Variants in CSMD3 observed in about 807,000 individuals in gnomAD.
The protein encoded by CSMD3 is CUB and sushi domain-containing protein 3.
Under a neutral mutation model 435.2 loss-of-function variants are expected in CSMD3, and 177 were observed. The ratio of observed to expected loss-of-function variants is 0.41; its 90% confidence interval spans 0.36 to 0.46. The LOEUF (loss-of-function observed/expected upper bound fraction) is 0.46. Among genes scored for constraint, CSMD3 ranks in the 20% least tolerant of loss-of-function variants. The pLI, the probability that CSMD3 is intolerant of heterozygous loss-of-function variation, is 0.34. For missense variants in CSMD3, 4,265 were observed against 4,504.6 expected (o/e 0.95, Z 1.52); for synonymous variants, 1,656 against 1,520.5 (o/e 1.09, Z -2.07).
intron 1 of CSMD3, among the ~76,000 whole-genome samples, chr8:113,322,616 T>A (rs1034942465): frequency 1.3e-5 from 2 of 152,194 alleles, no homozygotes; most frequent in African/African-American, 2.4e-5. Context: ...AGAATCAATT[T>A]ACAAAATAAA....
At chr8:112,690,450 G>T (rs1343252024) in intron 13 of CSMD3, among the ~76,000 whole-genome samples, 1 of 151,664 alleles carries the variant, frequency 6.6e-6, no homozygotes, top group East Asian at 1.9e-4. Flanking sequence ...TACAGGATAC[G>T]GTAAATCCCT....
intron 1 of CSMD3, among the ~76,000 whole-genome samples, chr8:113,365,822 T>A (rs534654642): frequency 5.3e-4 from 80 of 152,144 alleles, no homozygotes; most frequent in African/African-American, 1.8e-3. Context: ...TGTATCAGCA[T>A]ATTTCCATCA....
In CSMD3 at chr8:112,757,773, G is replaced by C. The variant is rs977659039; in HGVS notation, c.1972+42389C>G. Among the ~76,000 whole-genome samples the C allele has an allele frequency of 3.9e-5, 6 of 151,982 alleles. 1 individual carries two copies. Among genetic ancestry groups the C allele is most frequent in the Non-Finnish European group, 7.4e-5 (5 of 68,002 alleles). ...ATCTAAGGAATTATATAATTTTTAG[G>C]CCAGGCATGGTGGCTCACACCTGTA... On this transcript the variant is annotated intron_variant, in intron 13 of 70. Coordinates refer to ENST00000297405, the MANE Select transcript of CSMD3 (RefSeq NM_198123.2).
At chr8:112,956,819 C>T (rs1419337581) in intron 7 of CSMD3, among the ~76,000 whole-genome samples, 1 of 151,926 alleles carries the variant, frequency 6.6e-6, no homozygotes, top group South Asian at 2.1e-4. Flanking sequence ...TTAGTTTTCT[C>T]TTTTATAAGC....
rs541394309 is a variant in CSMD3 at position 113,120,188 on chromosome 8, A to G, written c.710-21225T>C. The stretch of plus-strand genomic sequence containing the variant: ...TGCTTCAAGTATCAGGACTTTTTAA[A>G]TGTTTTCAATGAGATTATGCAATAT... On this transcript the variant is annotated intron_variant, in intron 4 of 70. Coordinates refer to ENST00000297405, the MANE Select transcript of CSMD3 (RefSeq NM_198123.2). Among the ~76,000 whole-genome samples the G allele has an allele frequency of 6.1e-4, 93 of 152,170 alleles. 1 individual carries two copies. The highest frequency in any genetic ancestry group is 2.2e-3 in the African/African-American group (93 of 41,572).
At chr8:112,338,691 A>G (rs1586811826) in intron 42 of CSMD3, among the ~76,000 whole-genome samples, 1 of 152,284 alleles carries the variant, frequency 6.6e-6, no homozygotes, top group South Asian at 2.1e-4. Flanking sequence ...TTTCAGAATT[A>G]ATGAACAAAT....
chr8:113,328,480 A>G (rs985240405), intron 1 of CSMD3, among the ~76,000 whole-genome samples: 2 of 151,416 alleles, frequency 1.3e-5, no homozygotes, highest in Admixed American at 6.6e-5. Flanking sequence ...TGATTTGCTT[A>G]TGACATTTGA....
chr8:112,351,873 C>T (rs60340602), intron 39 of CSMD3, among the ~76,000 whole-genome samples: 59,368 of 151,240 alleles, frequency 0.39, 13,225 homozygotes, highest in Middle Eastern at 0.53. Context: ...TTTTATGTTA[C>T]TATAAACCTG....
At chr8:112,720,258 C>G (rs1474389436) in intron 13 of CSMD3, among the ~76,000 whole-genome samples, 1 of 152,118 alleles carries the variant, frequency 6.6e-6, no homozygotes, top group Non-Finnish European at 1.5e-5. Context: ...AATTTGTTAA[C>G]CAACTCATTT....
At chr8:112,270,369 T>TGTGTGTGTGTTAGGGGTGA (rs1554623044) in intron 59 of CSMD3, among the ~76,000 whole-genome samples, 25 of 150,578 alleles carry the variant, frequency 1.7e-4, no homozygotes, top group Admixed American at 8.0e-4. Flanking sequence ...TGTGTGTGTG[T>TGTGTGTGTGTTAGGGGTGA]GTGTGTGTGT....
At chr8:112,349,765 G>C (rs1227498159) in intron 40 of CSMD3, among the ~76,000 whole-genome samples, 4 of 152,052 alleles carry the variant, frequency 2.6e-5, no homozygotes, top group Non-Finnish European at 5.9e-5. Context: ...TAAAGTCTGA[G>C]TGTTTTCAAT....
At chr8:113,419,129 T>G (rs960771246) in intron 1 of CSMD3, among the ~76,000 whole-genome samples, 48 of 151,200 alleles carry the variant, frequency 3.2e-4, no homozygotes, top group South Asian at 1.5e-3. Context: ...TGGTTTGTTT[T>G]TTTTTTTTTT....
intron 3 of CSMD3, among the ~76,000 whole-genome samples, chr8:113,220,379 TAGTTA>T (rs2092952771): frequency 6.6e-6 from 1 of 151,398 alleles, no homozygotes; most frequent in Non-Finnish European, 1.5e-5. Context: ...TTATGAAGTT[TAGTTA>T]AGACAGTCAC....
At chr8:112,236,518 A>G (rs1043472625) in intron 67 of CSMD3, among the ~76,000 whole-genome samples, 1 of 152,168 alleles carries the variant, frequency 6.6e-6, no homozygotes, top group Admixed American at 6.6e-5. Context: ...ATTGTAAAGA[A>G]AAAAACAGGG....
chr8:112,263,742 A>G lies in CSMD3; in HGVS notation c.9759T>C (p.Phe3253=). Residue 3253 remains phenylalanine (F), a synonymous_variant, in exon 61 of 71, where the codon TTT becomes TTC. Coordinates refer to ENST00000297405, the MANE Select transcript of CSMD3 (RefSeq NM_198123.2). ...RLEGTNFDWG[F]SISYICSPGY... ...CTGGAGAACAGATGTAGCTAATACT[A>G]AAGCCCCAGTCGAAATTTGTTCCTT... is the stretch of plus-strand genomic sequence containing the variant. 1 of 1,613,872 alleles carries G rather than the reference A, an allele frequency of 6.2e-7. No individual in the cohort carries two copies. The highest frequency in any genetic ancestry group is 8.5e-7 in the Non-Finnish European group (1 of 1,179,772).
intron 13 of CSMD3, among the ~76,000 whole-genome samples, chr8:112,795,282 G>T (rs951434047): frequency 2.6e-5 from 4 of 151,818 alleles, no homozygotes; most frequent in African/African-American, 9.7e-5. Flanking sequence ...TCATGTTCAA[G>T]GTTTTATTAC....
At chr8:112,818,879 G>A (rs964249399) in intron 12 of CSMD3, among the ~76,000 whole-genome samples, 5 of 152,042 alleles carry the variant, frequency 3.3e-5, no homozygotes, top group Non-Finnish European at 7.4e-5. Context: ...TTTATGTCTG[G>A]TGAATTTCAT....
intron 10 of CSMD3, among the ~76,000 whole-genome samples, chr8:112,860,774 C>A (rs1438579386): frequency 6.6e-6 from 1 of 151,804 alleles, no homozygotes; most frequent in African/African-American, 2.4e-5. Context: ...AATAGTTCTG[C>A]TCTACCATAT....
At chr8:112,271,563 G>T (rs1275741301) in intron 59 of CSMD3, among the ~76,000 whole-genome samples, 1 of 152,108 alleles carries the variant, frequency 6.6e-6, no homozygotes, top group African/African-American at 2.4e-5. Context: ...ATTCTTGAGT[G>T]AAATAGACTA....
Sources: allele counts gnomAD v4.1 joint callset (sites outside exome capture counted in the v4.1 genomes callset), GRCh38; gene constraint gnomAD v4.1.1; transcripts MANE v1.5; gene names NCBI Gene and HGNC (gene_info 2026-07-23, HGNC 2026-07-21).